LDLRAD4: variants seen among roughly 807,000 people sequenced by gnomAD.
LDLRAD4 encodes low density lipoprotein receptor class A domain containing 4.
A neutral mutation model predicts 17.0 loss-of-function variants in LDLRAD4; 5 were observed. That is an observed-to-expected ratio of 0.29 (90% CI 0.15 to 0.62). The LOEUF is 0.62. Ranked by LOEUF, LDLRAD4 falls within the 20% of genes least tolerant of loss-of-function variation. The pLI, the probability that LDLRAD4 is intolerant of heterozygous loss-of-function variation, is 0.84. For missense variants in LDLRAD4, 340 were observed against 424.7 expected (o/e 0.80, Z 1.75); for synonymous variants, 168 against 171.8 (o/e 0.98, Z 0.17).
At chr18:13,467,365 A>G (rs1282245445) in intron 3 of LDLRAD4, among the ~76,000 whole-genome samples, 1 of 152,250 alleles carries the variant, frequency 6.6e-6, no homozygotes, top group Non-Finnish European at 1.5e-5. Flanking sequence ...GAACAATCTG[A>G]AAAGGAAATT....
chr18:13,628,937 C>A (rs1490150219), intron 4 of LDLRAD4, among the ~76,000 whole-genome samples: 1 of 152,134 alleles, frequency 6.6e-6, no homozygotes, highest in African/African-American at 2.4e-5. Context: ...CTCAACTGAT[C>A]CCCCTGCCTC....
chr18:13,435,502 A>G (rs951585622), intron 2 of LDLRAD4, among the ~76,000 whole-genome samples: 3 of 152,334 alleles, frequency 2.0e-5, no homozygotes, highest in Admixed American at 6.5e-5. Context: ...GCTTGGGAGC[A>G]GTAGCATGAT....
At chr18:13,359,097 C>T (rs1033531412) in intron 1 of LDLRAD4, among the ~76,000 whole-genome samples, 10 of 152,194 alleles carry the variant, frequency 6.6e-5, no homozygotes, top group Admixed American at 3.9e-4. Context: ...CATCAGTGCA[C>T]GTGGTTACTC....
exon 6 of LDLRAD4, chr18:13,650,635 T>G (rs2043207831): frequency 2.9e-6 from 1 of 341,564 alleles, no homozygotes; most frequent in Admixed American, 4.8e-5. Context: ...TATGTTTTTA[T>G]TTGTAAGGTG....
At chr18:13,530,223 G>T (rs1039644764) in intron 3 of LDLRAD4, among the ~76,000 whole-genome samples, 1 of 152,212 alleles carries the variant, frequency 6.6e-6, no homozygotes, top group African/African-American at 2.4e-5. Flanking sequence ...ATAAAGTGAT[G>T]TGGAAATGTA....
At chr18:13,342,493 T>C (rs1208706008) in intron 1 of LDLRAD4, among the ~76,000 whole-genome samples, 2 of 147,296 alleles carry the variant, frequency 1.4e-5, no homozygotes, top group Non-Finnish European at 3.0e-5. Flanking sequence ...TTTTTTTTTT[T>C]TTTTTTTTTG....
At chr18:13,576,108 A>G (rs2094765682) in intron 3 of LDLRAD4, among the ~76,000 whole-genome samples, 1 of 152,180 alleles carries the variant, frequency 6.6e-6, no homozygotes, top group African/African-American at 2.4e-5. Context: ...TTTGTCTCAT[A>G]AAAGTTATTA....
chr18:13,408,512 A>G (rs942045004), intron 2 of LDLRAD4, among the ~76,000 whole-genome samples: 1 of 151,232 alleles, frequency 6.6e-6, no homozygotes, highest in African/African-American at 2.4e-5. Flanking sequence ...TTGTTCTGTC[A>G]CCCAGGCTAG....
chr18:13,275,917 A>C (rs1433003254), upstream of LDLRAD4, among the ~76,000 whole-genome samples: 1 of 152,260 alleles, frequency 6.6e-6, no homozygotes, highest in East Asian at 1.9e-4. Flanking sequence ...GAGGCAGGGC[A>C]GAGGCCTGCT....
chr18:13,454,082 G>A (rs1191101086), intron 3 of LDLRAD4, among the ~76,000 whole-genome samples: 1 of 152,232 alleles, frequency 6.6e-6, no homozygotes, highest in Non-Finnish European at 1.5e-5. Flanking sequence ...TCTCCAAAAG[G>A]GGCATCCTGC....
At chr18:13,561,813 G>A (rs1204783645) in intron 3 of LDLRAD4, 1 of 152,114 alleles carries the variant, frequency 6.6e-6, no homozygotes, top group African/African-American at 2.4e-5. Flanking sequence ...ATCTCAAATC[G>A]ATTTCGGAGA....
chr18:13,478,028 A>ACCTACTTC (rs1235301304), intron 3 of LDLRAD4, among the ~76,000 whole-genome samples: 2 of 152,164 alleles, frequency 1.3e-5, no homozygotes, highest in Non-Finnish European at 2.9e-5. Flanking sequence ...CCTGCTTCGG[A>ACCTACTTC]CCTACTTCTG....
At chr18:13,488,079 T>C in intron 3 of LDLRAD4, 1 of 152,518 alleles carries the variant, frequency 6.6e-6, no homozygotes, top group Non-Finnish European at 1.5e-5. Context: ...CATCTGGCCC[T>C]TGAGTTCAGC....
intron 3 of LDLRAD4, among the ~76,000 whole-genome samples, chr18:13,482,111 C>T (rs76769718): frequency 6.6e-6 from 1 of 152,104 alleles, no homozygotes; most frequent in East Asian, 1.9e-4. Flanking sequence ...GCCAACGCTG[C>T]CTTCCAGGAA....
chr18:13,641,668 C>A, intron 4 of LDLRAD4: 1 of 757,372 alleles, frequency 1.3e-6, no homozygotes, highest in Non-Finnish European at 1.6e-6. Flanking sequence ...GAGCAGCAGG[C>A]GCGCCTCTGG....
At chr18:13,300,000 C>T (rs1425485818) in intron 1 of LDLRAD4, among the ~76,000 whole-genome samples, 1 of 152,214 alleles carries the variant, frequency 6.6e-6, no homozygotes, top group Non-Finnish European at 1.5e-5. Flanking sequence ...TCCCCTGGTG[C>T]CTGCACACAT....
At chr18:13,334,949 C>A (rs1277057095) in intron 1 of LDLRAD4, among the ~76,000 whole-genome samples, 1 of 152,092 alleles carries the variant, frequency 6.6e-6, no homozygotes, top group Admixed American at 6.6e-5. Flanking sequence ...AAACTTAGCT[C>A]ATTTACATTA....
At chr18:13,633,803 G>A (rs1242763852) in intron 4 of LDLRAD4, among the ~76,000 whole-genome samples, 1 of 152,206 alleles carries the variant, frequency 6.6e-6, no homozygotes, top group Non-Finnish European at 1.5e-5. Context: ...GTCCGCAGCT[G>A]CAGCTTTGTG....
chr18:13,414,586 A>T lies in LDLRAD4; in HGVS notation c.41-23658A>T, dbSNP rs916528982. Among the ~76,000 whole-genome samples, 3 of 152,232 alleles carry T rather than the reference A, an allele frequency of 2.0e-5. No individual in the cohort carries two copies. In the East Asian group the frequency reaches 5.8e-4, roughly 29 times the overall value. ...TGTCACAAATTACAGTTTCTTTCTTACTTTTGCATTTCTGTGTTTGCTGCA... is the reference window on the plus strand; with the variant it reads ...TGTCACAAATTACAGTTTCTTTCTTTCTTTTGCATTTCTGTGTTTGCTGCA... On this transcript the variant is annotated intron_variant, in intron 2 of 5. Coordinates refer to ENST00000359446, the Ensembl canonical transcript of LDLRAD4.
Sources: gnomAD v4.1 joint callset for allele counts (sites outside exome capture counted in the v4.1 genomes callset) on GRCh38, gnomAD v4.1.1 for gene constraint, MANE v1.5 for transcripts, NCBI Gene and HGNC (gene_info 2026-07-23, HGNC 2026-07-21) for gene names.